ANKRD36: variants seen among roughly 807,000 people sequenced by gnomAD.
ANKRD36 encodes the protein ankyrin repeat domain 36.
A neutral mutation model predicts 278.1 loss-of-function variants in ANKRD36; 179 were observed. That is an observed-to-expected ratio of 0.64 (90% CI 0.57 to 0.73). The LOEUF is 0.73. Among genes scored for constraint, ANKRD36 ranks in the 30% least tolerant of loss-of-function variants. ANKRD36 has a pLI of 0.00. For synonymous variants in ANKRD36, 320 were observed against 641.1 expected (o/e 0.50, Z 7.57); for missense variants, 1,159 against 1,956.7 (o/e 0.59, Z 7.69).
At chr2:97,200,799 G>A (rs1393906842) in intron 46 of ANKRD36, among the ~76,000 whole-genome samples, 1 of 151,884 alleles carries the variant, frequency 6.6e-6, no homozygotes, top group African/African-American at 2.4e-5. Context: ...GCATAATTTT[G>A]CTTTAATTCT....
At chr2:97,211,810 A>C in intron 58 of ANKRD36, 69 bp downstream of exon 58, 2 of 1,479,594 alleles carry the variant, frequency 1.4e-6, no homozygotes, top group South Asian at 1.3e-5. Flanking sequence ...CACCAAATAA[A>C]ACAGCGGGGG....
chr2:97,120,813 A>G (rs1339488752), intron 3 of ANKRD36, among the ~76,000 whole-genome samples: 1 of 152,160 alleles, frequency 6.6e-6, no homozygotes, highest in African/African-American at 2.4e-5. Flanking sequence ...TGTCCCATAC[A>G]TGTGTTTAGT....
intron 17 of ANKRD36, among the ~76,000 whole-genome samples, chr2:97,159,219 AT>A (rs2048251466): frequency 1.3e-5 from 2 of 152,032 alleles, no homozygotes; most frequent in African/African-American, 4.8e-5. Flanking sequence ...CTTACGGGTG[AT>A]TTTAATAAAG....
intron 67 of ANKRD36, among the ~76,000 whole-genome samples, chr2:97,230,441 G>T (rs2071546830): frequency 6.6e-6 from 1 of 152,074 alleles, no homozygotes; most frequent in Non-Finnish European, 1.5e-5. Flanking sequence ...GGCTCCTGAG[G>T]CTTCTGCACT....
intron 38 of ANKRD36, among the ~76,000 whole-genome samples, chr2:97,193,801 C>A (rs940785813): frequency 6.6e-6 from 1 of 151,544 alleles, no homozygotes; most frequent in Non-Finnish European, 1.5e-5. Context: ...CTTCCTTGTT[C>A]AAGGAGCTAC....
chr2:97,200,548 A>C (rs1432217013), intron 46 of ANKRD36, 23 bp downstream of exon 46: 2 of 1,544,062 alleles, frequency 1.3e-6, no homozygotes, highest in South Asian at 1.2e-5. Context: ...AACACATTTA[A>C]TGTCATGTTC....
At chr2:97,123,034 G>A (rs917475314) in intron 4 of ANKRD36, 41 bp downstream of exon 4, 37 of 1,463,922 alleles carry the variant, frequency 2.5e-5, no homozygotes, top group Non-Finnish European at 2.9e-5. Flanking sequence ...TTAAACCTGA[G>A]TGTCATTTTA....
At chr2:97,233,619 G>T in intron 67 of ANKRD36, 111 bp from the exon 68 acceptor site, 1 of 1,542,626 alleles carries the variant, frequency 6.5e-7, no homozygotes, top group Non-Finnish European at 8.7e-7. Context: ...TACGGAACAG[G>T]TACCTGTGTT....
rs1282115227 is a variant in ANKRD36, at chr2:97,118,194, C to T, written c.312+16C>T. On this transcript the variant is annotated intron_variant, in intron 2 of 75. Transcript: ENST00000420699. ...TCTGATCAAGGTATATAGTAGCTGACTCTTTGAGCATGAGATGGATTTGGT... is the reference window on the plus strand; with the variant it reads ...TCTGATCAAGGTATATAGTAGCTGATTCTTTGAGCATGAGATGGATTTGGT... 21 of 1,582,260 alleles carry T rather than the reference C, an allele frequency of 1.3e-5. No individual in the cohort carries two copies. The highest frequency in any genetic ancestry group is 4.0e-5 in the African/African-American group (3 of 74,178).
chr2:97,203,238 A>G (rs2061886363), intron 48 of ANKRD36, among the ~76,000 whole-genome samples: 1 of 151,844 alleles, frequency 6.6e-6, no homozygotes, highest in South Asian at 2.1e-4. Context: ...AACAAAAATT[A>G]TGCTGGATTC....
chr2:97,164,668 C>G (rs1418619568), intron 20 of ANKRD36, among the ~76,000 whole-genome samples, 199 bp downstream of exon 20: 1 of 152,290 alleles, frequency 6.6e-6, no homozygotes, highest in Non-Finnish European at 1.5e-5. Flanking sequence ...GAGCTCTAGC[C>G]CAAATGCTTT....
At chr2:97,154,646 C>G in intron 14 of ANKRD36, 29 bp from the exon 15 acceptor site, 1 of 1,459,004 alleles carries the variant, frequency 6.9e-7, no homozygotes, top group Non-Finnish European at 9.3e-7. Context: ...TGAACGTGCT[C>G]ATTTTTGTAA....
chr2:97,139,163 G>A (rs954881226), intron 6 of ANKRD36, among the ~76,000 whole-genome samples: 10 of 152,026 alleles, frequency 6.6e-5, no homozygotes, highest in Non-Finnish European at 1.5e-5. Context: ...AATGAAGAAA[G>A]TAAGTAGTCA....
rs527857537 is a variant in ANKRD36 at position 97,202,388 on chromosome 2, G to C, written c.2954G>C (p.Arg985Thr). ...ARENKDGEKS[R>T]TVSSEKPPGL... ...GAAAACAAGGATGGAGAAAAATCTA[G>C]GACAGGTAATTTTGAAAACAGATTT... is the stretch of plus-strand genomic sequence containing the variant. Residue 985 changes from arginine (R) to threonine (T), a missense_variant, in exon 48 of 76, where the codon AGG (arginine) becomes ACG (threonine). Coordinates refer to ENST00000420699, the MANE Select transcript of ANKRD36 (RefSeq NM_001354587.1). 6.5e-7 allele frequency: 1 copy of C among 1,550,112 alleles called. No individual in the cohort carries two copies. Among genetic ancestry groups the C allele is most frequent in the Admixed American group, 2.0e-5 (1 of 51,252 alleles).
intron 30 of ANKRD36, among the ~76,000 whole-genome samples, chr2:97,185,868 T>C (rs2057320668): frequency 6.6e-6 from 1 of 151,890 alleles, no homozygotes; most frequent in African/African-American, 2.4e-5. Flanking sequence ...TCACATCTTA[T>C]TGCTAAAAAC....
At chr2:97,208,296 A>G (rs1380011747) in intron 54 of ANKRD36, among the ~76,000 whole-genome samples, 12 of 146,820 alleles carry the variant, frequency 8.2e-5, no homozygotes, top group South Asian at 2.1e-4. Context: ...TTAATTCTCC[A>G]GCTTGTTTTC....
At chr2:97,195,836 T>C (rs1382434286) in intron 40 of ANKRD36, among the ~76,000 whole-genome samples, 5 of 151,942 alleles carry the variant, frequency 3.3e-5, no homozygotes, top group Non-Finnish European at 7.4e-5. Context: ...GTAAAACTTA[T>C]TATTATCTAA....
At chr2:97,206,011 G>T in intron 51 of ANKRD36, 43 bp downstream of exon 51, 1 of 1,545,018 alleles carries the variant, frequency 6.5e-7, no homozygotes, top group Non-Finnish European at 8.7e-7. Flanking sequence ...TTAATATATG[G>T]TCTATGAAAC....
chr2:97,127,436 C>T (rs2038913104), intron 6 of ANKRD36, among the ~76,000 whole-genome samples: 1 of 151,732 alleles, frequency 6.6e-6, no homozygotes, highest in African/African-American at 2.4e-5. Context: ...TTTATAGTCA[C>T]ATAATAATGA....
Sources: allele counts gnomAD v4.1 joint callset (sites outside exome capture counted in the v4.1 genomes callset), GRCh38; gene constraint gnomAD v4.1.1; transcripts MANE v1.5; gene names NCBI Gene and HGNC (gene_info 2026-07-23, HGNC 2026-07-21).